The following GLIS3 variants were observed in gnomAD, a reference collection of about 807,000 sequenced individuals.
GLIS3 encodes the protein GLIS family zinc finger 3.
Under a neutral mutation model 78.6 loss-of-function variants are expected in GLIS3, and 53 were observed. The ratio of observed to expected loss-of-function variants is 0.67; its 90% CI spans 0.54 to 0.85. GLIS3 has a LOEUF of 0.85. GLIS3 is among the 40% of genes least tolerant of loss of function. The pLI is 0.00. For missense variants in GLIS3, 1,703 were observed against 1,231.1 expected, an observed-to-expected ratio of 1.38 and a Z score of -5.74; for synonymous variants, 684 against 509.9, an observed-to-expected ratio of 1.34 and a Z score of -4.60.
At chr9:4,253,790 C>T (rs989929055) in intron 2 of GLIS3, among the ~76,000 whole-genome samples, 5 of 152,264 alleles carry the variant, frequency 3.3e-5, no homozygotes, top group Middle Eastern at 3.4e-3. Context: ...ATGGGAAAAG[C>T]GCAGTATCTG....
chr9:4,332,915 T>A (rs1817706466), intron 2 of GLIS3, among the ~76,000 whole-genome samples: 1 of 152,228 alleles, frequency 6.6e-6, no homozygotes, highest in Admixed American at 6.5e-5. Context: ...GTTTACAGTC[T>A]TTATTATTGT....
intron 6 of GLIS3, 119 bp downstream of exon 6, chr9:3,932,241 C>CTAAAGCCTCCT: frequency 1.3e-6 from 1 of 768,698 alleles, no homozygotes; most frequent in Non-Finnish European, 2.3e-6. Flanking sequence ...CTCAAACGGT[C>CTAAAGCCTCCT]TAAAGCAGGT....
intron 6 of GLIS3, among the ~76,000 whole-genome samples, chr9:3,908,715 T>TTTG (rs1823908068): frequency 7.0e-6 from 1 of 143,674 alleles, no homozygotes; most frequent in African/African-American, 2.6e-5. Context: ...TGTTTTTTTT[T>TTTG]TTTTTTTTTT....
Position 4,025,224 on chromosome 9 carries a change from C to T in GLIS3, c.1711-88035G>A, listed in dbSNP as rs555142041. 5.3e-5 allele frequency among the ~76,000 whole-genome samples: 8 copies of T among 151,898 alleles called. No individual in the cohort carries two copies. The East Asian group carries it at 1.6e-3, about 29-fold the overall frequency. On this transcript the variant is annotated intron_variant, in intron 4 of 10. Transcript: ENST00000381971. ...CCAAGATGGCGGCACTGCACTCCAA[C>T]CTAGGCAACAGTGAGACTCCGTCTC...
intron 2 of GLIS3, among the ~76,000 whole-genome samples, chr9:4,322,738 G>C (rs1428370538): frequency 6.6e-6 from 1 of 152,104 alleles, no homozygotes; most frequent in African/African-American, 2.4e-5. Flanking sequence ...CTTATACTTT[G>C]CCCACTTTTT....
At chr9:4,186,050 G>A (rs1489612773) in intron 2 of GLIS3, among the ~76,000 whole-genome samples, 3 of 151,800 alleles carry the variant, frequency 2.0e-5, no homozygotes, top group African/African-American at 4.8e-5. Flanking sequence ...TGTGCACAAT[G>A]CAGGTTAGTT....
chr9:4,189,953 G>C (rs199955658), intron 2 of GLIS3, among the ~76,000 whole-genome samples: 210 of 152,166 alleles, frequency 1.4e-3, no homozygotes, highest in African/African-American at 3.6e-3. Context: ...CAAACTCCAA[G>C]AGACCTGCAG....
intron 7 of GLIS3, among the ~76,000 whole-genome samples, chr9:3,889,148 C>A (rs1053086913): frequency 1.3e-5 from 2 of 152,178 alleles, no homozygotes; most frequent in African/African-American, 4.8e-5. Flanking sequence ...TGCCTCTGAT[C>A]TCTTTGCCAG....
intron 2 of GLIS3, among the ~76,000 whole-genome samples, chr9:4,209,880 C>A (rs1020012731): frequency 6.6e-6 from 1 of 151,276 alleles, no homozygotes; most frequent in Admixed American, 6.6e-5. Context: ...AAGTTGAGAA[C>A]CACTGCTCCA....
the GLIS3 span, among the ~76,000 whole-genome samples, chr9:4,420,318 C>A: frequency 3.9e-5 from 6 of 152,164 alleles, no homozygotes; most frequent in Non-Finnish European, 7.3e-5. Context: ...TCATTTTCTT[C>A]CATCACTGAA....
At chr9:4,036,902 A>G (rs946290980) in intron 4 of GLIS3, among the ~76,000 whole-genome samples, 2 of 152,126 alleles carry the variant, frequency 1.3e-5, no homozygotes. Context: ...AGACCAGTAG[A>G]GGGGCTAAAA....
intron 4 of GLIS3, among the ~76,000 whole-genome samples, chr9:4,081,649 T>A (rs1169731760): frequency 6.6e-6 from 1 of 152,248 alleles, no homozygotes; most frequent in Non-Finnish European, 1.5e-5. Context: ...TTGGAGGGAC[T>A]GTAATAGCAA....
At chr9:3,829,951 C>T (rs751615035) in intron 9 of GLIS3, among the ~76,000 whole-genome samples, 15 of 152,224 alleles carry the variant, frequency 9.9e-5, no homozygotes, top group Non-Finnish European at 1.0e-4. Context: ...ATCCATCTAT[C>T]TGTCTTTCCA....
At chr9:4,308,362 G>A (rs1299676855) in intron 4 of GLIS3, among the ~76,000 whole-genome samples, 1 of 152,130 alleles carries the variant, frequency 6.6e-6, no homozygotes, top group Non-Finnish European at 1.5e-5. Context: ...AAAACAGAGG[G>A]AAGGAATGAA....
intron 2 of GLIS3, among the ~76,000 whole-genome samples, chr9:4,257,349 G>A (rs1015710839): frequency 6.6e-6 from 1 of 152,128 alleles, no homozygotes; most frequent in Non-Finnish European, 1.5e-5. Flanking sequence ...TGAGATGCAA[G>A]TCAAAGGGCA....
chr9:4,417,062 A>G, the GLIS3 span, among the ~76,000 whole-genome samples: 1 of 152,084 alleles, frequency 6.6e-6, no homozygotes, highest in African/African-American at 2.4e-5. Context: ...AAAACGTCAC[A>G]TGAGTTTAGA....
At chr9:4,220,646 G>A (rs541848055) in intron 2 of GLIS3, among the ~76,000 whole-genome samples, 215 of 152,044 alleles carry the variant, frequency 1.4e-3, no homozygotes, top group Non-Finnish European at 2.0e-3. Flanking sequence ...GAGTCCCAGC[G>A]ACTCAGGAGG....
In GLIS3 at chr9:4,125,877, G is replaced by C; in HGVS notation, c.453C>G (p.Val151=). ...IGKGSCNNLV[V]TSSPMMVQRL... ...GCTGAACCATCATGGGACTGCTGGT[G>C]ACCACTAGATTGTTGCAGCTGCCTT... The change falls in exon 3 of 11, where the codon GTC becomes GTG. Residue 151 remains valine (V), a synonymous_variant. Transcript: ENST00000381971. The C allele has an allele frequency of 6.2e-7, 1 of 1,613,970 alleles. No individual in the cohort carries two copies. The highest frequency in any genetic ancestry group is 8.5e-7 in the Non-Finnish European group (1 of 1,179,926).
intron 6 of GLIS3, among the ~76,000 whole-genome samples, chr9:3,919,114 G>C (rs1410222586): frequency 6.6e-6 from 1 of 152,130 alleles, no homozygotes; most frequent in Non-Finnish European, 1.5e-5. Context: ...CAAGAGGAGA[G>C]CTTACACAAT....
Sources: gnomAD v4.1 joint callset for allele counts (sites outside exome capture counted in the v4.1 genomes callset) on GRCh38, gnomAD v4.1.1 for gene constraint, MANE v1.5 for transcripts, NCBI Gene and HGNC (gene_info 2026-07-23, HGNC 2026-07-21) for gene names.